LGALS8: variants seen among roughly 807,000 people sequenced by gnomAD.
The protein encoded by LGALS8 is galectin-8.
LGALS8 carries 30 observed loss-of-function variants against 35.9 expected under a neutral mutation model. The ratio of observed to expected loss-of-function variants is 0.83; its 90% CI spans 0.62 to 1.13. The LOEUF is 1.13. Ranked by LOEUF, LGALS8 falls within the 50% of genes most tolerant of loss-of-function variation. LGALS8 has a pLI of 0.00. For missense variants in LGALS8, 366 were observed against 388.7 expected, an observed-to-expected ratio of 0.94 and a Z score of 0.49; for synonymous variants, 138 against 136.1, an observed-to-expected ratio of 1.01 and a Z score of -0.10.
At position 236,550,238 on chromosome 1, in the gene LGALS8, C is replaced by CTG. The variant is rs896009877; in HGVS notation, c.*2082_*2083dup. On this transcript the variant is annotated 3_prime_UTR_variant, in exon 10 of 10. Transcript: ENST00000366584. ...GTGCCACCCAGTGTTTCTGGGCCCT[C>CTG]TGTGTGAGCAGCCAGGTGTGAGCTG... 2.0e-5 allele frequency: 3 copies of CTG among 152,226 alleles called. No homozygotes were observed. Among genetic ancestry groups the CTG allele is most frequent in the African/African-American group, 7.2e-5 (3 of 41,430 alleles). The allele number at this position is 152,226 out of a possible 1,614,324, so 9.4% of individuals were successfully genotyped here.
rs759222343 is a variant in LGALS8 at position 236,537,547 on chromosome 1, G to A, written c.96G>A (p.Leu32=). ...TIPDQLDPGT[L]IVIRGHVPSD... is the part of the protein sequence containing the mutation. The stretch of plus-strand genomic sequence containing the variant: ...CTGATCAGCTGGATCCTGGAACTTT[G>A]ATTGTGATACGTGGGCATGTTCCTA... Residue 32 remains leucine (L), a synonymous_variant, in exon 3 of 10, where the codon TTG becomes TTA. Coordinates refer to ENST00000366584, the MANE Select transcript of LGALS8 (RefSeq NM_201544.4). The A allele has an allele frequency of 1.9e-6, 3 of 1,607,164 alleles. No individual in the cohort carries two copies. The highest frequency in any genetic ancestry group is 2.6e-6 in the Non-Finnish European group (3 of 1,173,560).
intron 2 of LGALS8, among the ~76,000 whole-genome samples, chr1:236,527,037 G>A (rs1235828594): frequency 6.6e-6 from 1 of 152,168 alleles, no homozygotes; most frequent in Non-Finnish European, 1.5e-5. Flanking sequence ...TGAAGCGGAA[G>A]CTTGTGAGAC....
rs2103118827 is a variant in LGALS8 at position 236,551,153 on chromosome 1, C to A, written c.*2992C>A. ...GCAGGAGGCGCCACGGACCGCCTCCCTCCACACCGCTCCTTCCGCCTTCAT... is the reference window on the plus strand; with the variant it reads ...GCAGGAGGCGCCACGGACCGCCTCCATCCACACCGCTCCTTCCGCCTTCAT... On this transcript the variant is annotated 3_prime_UTR_variant, in exon 10 of 10. Transcript: ENST00000366584. The A allele has an allele frequency of 1.8e-6, 1 of 570,974 alleles. No homozygotes were observed. The highest frequency in any genetic ancestry group is 2.9e-5 in the East Asian group (1 of 34,054). 35.4% of individuals were successfully genotyped at this position (570,974 alleles called of 1,614,324 possible).
intron 1 of LGALS8, among the ~76,000 whole-genome samples, 178 bp from the exon 2 acceptor site, chr1:236,525,790 C>A (rs1279175041): frequency 6.6e-6 from 1 of 152,016 alleles, no homozygotes; most frequent in Non-Finnish European, 1.5e-5. Context: ...ACTCACAATC[C>A]AAAATTATTT....
chr1:236,548,032 T>C lies in LGALS8; in HGVS notation c.825T>C (p.Val275=), dbSNP rs763550696. Residue 275 remains valine, a synonymous_variant, in exon 10 of 10, where the codon GTT becomes GTC. Coordinates refer to ENST00000366584, the MANE Select transcript of LGALS8 (RefSeq NM_201544.4). ...TTCAGATGATAATTTATTGTGATGT[T>C]AGAGAATTCAAGGTTGCAGTAAATG... is the stretch of plus-strand genomic sequence containing the variant. ...MYFEMIIYCD[V]REFKVAVNGV... is the part of the protein sequence containing the mutation. 6.2e-7 allele frequency: 1 copy of C among 1,611,550 alleles called. No homozygotes were observed. The highest frequency in any genetic ancestry group is 2.2e-5 in the East Asian group (1 of 44,868).
chr1:236,524,528 GGATGCC>G (rs1452045880), intron 1 of LGALS8: 3 of 427,414 alleles, frequency 7.0e-6, no homozygotes, highest in African/African-American at 6.1e-5. Flanking sequence ...ACGCTCTTTA[GGATGCC>G]GAGTCATTTG....
At chr1:236,538,303 A>G (rs541309972) in intron 3 of LGALS8, among the ~76,000 whole-genome samples, 2 of 152,082 alleles carry the variant, frequency 1.3e-5, no homozygotes, top group Non-Finnish European at 2.9e-5. Flanking sequence ...CAGTGGTTTA[A>G]GATGTGAAAA....
chr1:236,540,277 C>A (rs1025551650), intron 4 of LGALS8: 1 of 291,004 alleles, frequency 3.4e-6, no homozygotes, highest in East Asian at 6.1e-5. Flanking sequence ...AGATGTCTCA[C>A]ATGTATGCAG....
At position 236,544,801 on chromosome 1, in the gene LGALS8, G is replaced by C. The variant is rs1261594833; in HGVS notation, c.690G>C (p.Leu230Phe). ...AATCAAAGGATATTGCTCTACACTT[G>C]AACCCACGCCTGAATATTAAAGCAT... Reference protein sequence around the residue: ...AGKSKDIALHLNPRLNIKAFV... With the variant: ...AGKSKDIALHFNPRLNIKAFV... Residue 230 changes from leucine to phenylalanine, a missense_variant, in exon 9 of 10, where the codon TTG becomes TTC. Physicochemically the swap from Leu to Phe is conservative, Grantham distance 22. Transcript: ENST00000366584. 3.7e-6 allele frequency: 6 copies of C among 1,613,424 alleles called. No homozygotes were observed. Among genetic ancestry groups the C allele is most frequent in the African/African-American group, 1.3e-5 (1 of 74,802 alleles).
chr1:236,546,112 T>C (rs534765726), intron 9 of LGALS8, among the ~76,000 whole-genome samples: 1 of 152,250 alleles, frequency 6.6e-6, no homozygotes, highest in Non-Finnish European at 1.5e-5. Context: ...TGCTGAAAAA[T>C]ACTAAGATGA....
At chr1:236,536,995 T>A (rs945587189) in intron 2 of LGALS8, among the ~76,000 whole-genome samples, 1 of 147,850 alleles carries the variant, frequency 6.8e-6, no homozygotes. Context: ...CTATTGCAGA[T>A]ATCCTGGCCA....
At chr1:236,546,370 C>G (rs967356782) in intron 9 of LGALS8, among the ~76,000 whole-genome samples, 1 of 152,214 alleles carries the variant, frequency 6.6e-6, no homozygotes, top group Non-Finnish European at 1.5e-5. Context: ...CCATCTCTTG[C>G]CTTTTAAATA....
At chr1:236,524,720 C>CCAATTTAT in intron 1 of LGALS8, 1 of 310,644 alleles carries the variant, frequency 3.2e-6, no homozygotes, top group Non-Finnish European at 6.5e-6. Flanking sequence ...AATTGGGTCA[C>CCAATTTAT]TGGCTTGTTA....
intron 9 of LGALS8, 124 bp from the exon 10 acceptor site, chr1:236,547,885 TCAG>T (rs1662485784): frequency 2.6e-5 from 21 of 801,388 alleles, no homozygotes; most frequent in Middle Eastern, 3.8e-4. Flanking sequence ...CAGAAGGAAG[TCAG>T]CAGCAGCAGG....
In LGALS8 at chr1:236,538,263, C is replaced by T. The variant is rs543901874; in HGVS notation, c.135-616C>T. Among the ~76,000 whole-genome samples, 10 of 152,192 alleles carry T rather than the reference C, an allele frequency of 6.6e-5. No individual in the cohort carries two copies. The South Asian group carries it at 2.1e-3, about 32-fold the overall frequency. ...AAGCTGTGGTATCATTAGTGTTGGG[C>T]TCAGCTCTGTGTACCTAACACCTGA... On this transcript the variant is annotated intron_variant, in intron 3 of 9. Transcript: ENST00000366584.
At chr1:236,530,329 C>T (rs819413) in intron 2 of LGALS8, among the ~76,000 whole-genome samples, 34 of 152,176 alleles carry the variant, frequency 2.2e-4, no homozygotes, top group Non-Finnish European at 4.0e-4. Flanking sequence ...CTTTTGTAAC[C>T]TGTGAGATAC....
In LGALS8 at chr1:236,551,993, A is replaced by C. The variant is rs747399682; in HGVS notation, c.*3832A>C. The C allele has an allele frequency of 4.3e-5, 67 of 1,549,144 alleles. No individual in the cohort carries two copies. The highest frequency in any genetic ancestry group is 5.9e-5 in the Non-Finnish European group (66 of 1,122,576). On this transcript the variant is annotated 3_prime_UTR_variant, in exon 10 of 10. Coordinates refer to ENST00000366584, the MANE Select transcript of LGALS8 (RefSeq NM_201544.4). ...GTTTAATGGTTGGGAATAGTTTGGG[A>C]ATTACCTTCCATCAACTCTGCTAAG...
intron 9 of LGALS8, among the ~76,000 whole-genome samples, chr1:236,545,775 G>GT (rs1662325402): frequency 4.0e-5 from 1 of 24,808 alleles, no homozygotes; most frequent in Non-Finnish European, 1.5e-4. Context: ...AAGGTTCCCT[G>GT]AAGTTGTGGA....
chr1:236,530,765 T>G (rs757077671), intron 2 of LGALS8, among the ~76,000 whole-genome samples: 4 of 152,268 alleles, frequency 2.6e-5, no homozygotes, highest in Admixed American at 2.0e-4. Context: ...ACTACATTTA[T>G]GTCCAAACCA....
Sources: allele counts gnomAD v4.1 joint callset (sites outside exome capture counted in the v4.1 genomes callset), GRCh38; gene constraint gnomAD v4.1.1; transcripts MANE v1.5; gene names NCBI Gene and HGNC (gene_info 2026-07-23, HGNC 2026-07-21).